The following SLC25A21 variants were observed in gnomAD, a reference collection of about 807,000 sequenced individuals.
The protein encoded by SLC25A21 is mitochondrial 2-oxodicarboxylate carrier.
In SLC25A21, 47 loss-of-function variants were observed where a neutral mutation model predicts 43.8. The observed-to-expected ratio is 1.07, with a 90% CI of 0.85 to 1.37. The LOEUF (loss-of-function observed/expected upper bound fraction) is 1.37. Ranked by LOEUF, SLC25A21 falls within the 40% of genes most tolerant of loss-of-function variation. The probability of loss-of-function intolerance (pLI) is 0.00; values close to 1 mark genes in which losing one functional copy is unlikely to be tolerated. For missense variants in SLC25A21, 352 were observed against 350.2 expected (o/e 1.00, Z -0.04); for synonymous variants, 131 against 121.3 (o/e 1.08, Z -0.52).
At chr14:37,131,701 G>C (rs1044901887) in intron 1 of SLC25A21, among the ~76,000 whole-genome samples, 1 of 152,166 alleles carries the variant, frequency 6.6e-6, no homozygotes, top group Admixed American at 6.5e-5. Flanking sequence ...TTGAGACAGG[G>C]TCTCTCTCTG....
At chr14:37,146,621 T>C (rs1425863391) in intron 1 of SLC25A21, among the ~76,000 whole-genome samples, 2 of 152,214 alleles carry the variant, frequency 1.3e-5, no homozygotes, top group Non-Finnish European at 2.9e-5. Context: ...TAATATATAA[T>C]AAATGATGTC....
chr14:36,769,922 C>T (rs1176141523), intron 3 of SLC25A21, among the ~76,000 whole-genome samples: 1 of 152,162 alleles, frequency 6.6e-6, no homozygotes, highest in Non-Finnish European at 1.5e-5. Flanking sequence ...TATCATGGAT[C>T]CTTGTGTGAA....
At chr14:37,081,186 C>A (rs962210010) in intron 1 of SLC25A21, among the ~76,000 whole-genome samples, 6 of 152,152 alleles carry the variant, frequency 3.9e-5, no homozygotes, top group African/African-American at 1.4e-4. Flanking sequence ...GTGAGAAAAG[C>A]CGTAGGTTAA....
intron 1 of SLC25A21, among the ~76,000 whole-genome samples, chr14:36,949,355 T>C (rs1253166106): frequency 1.3e-5 from 2 of 152,210 alleles, no homozygotes; most frequent in Non-Finnish European, 2.9e-5. Context: ...TGAAAATTGT[T>C]TGTATGTATC....
intron 1 of SLC25A21, among the ~76,000 whole-genome samples, chr14:37,121,818 A>C (rs1320643843): frequency 2.0e-5 from 3 of 151,966 alleles, no homozygotes; most frequent in African/African-American, 7.3e-5. Flanking sequence ...CAAAGCAAAA[A>C]GTGTTGTTTC....
At chr14:36,793,254 C>T (rs1442737886) in intron 3 of SLC25A21, among the ~76,000 whole-genome samples, 1 of 152,040 alleles carries the variant, frequency 6.6e-6, no homozygotes, top group African/African-American at 2.4e-5. Context: ...TGAAATCTCC[C>T]AATCAGCTAT....
At chr14:36,698,551 A>G (rs548869343) in intron 7 of SLC25A21, among the ~76,000 whole-genome samples, 2 of 152,332 alleles carry the variant, frequency 1.3e-5, no homozygotes, top group African/African-American at 4.8e-5. Flanking sequence ...CAGGTACACC[A>G]ATCAAACGTA....
chr14:36,958,714 CACACAT>C (rs570374399), intron 1 of SLC25A21, among the ~76,000 whole-genome samples: 214 of 141,962 alleles, frequency 1.5e-3, no homozygotes, highest in African/African-American at 4.5e-3. Flanking sequence ...CACACACACA[CACACAT>C]GCAACAGAGC....
chr14:36,944,621 G>A (rs145535507), intron 1 of SLC25A21, among the ~76,000 whole-genome samples: 216 of 152,274 alleles, frequency 1.4e-3, no homozygotes, highest in African/African-American at 4.1e-3. Context: ...AAGTGACTAC[G>A]AATGTCCTAT....
chr14:36,714,954 C>CA (rs1279797123), intron 6 of SLC25A21, among the ~76,000 whole-genome samples: 1 of 152,154 alleles, frequency 6.6e-6, no homozygotes, highest in Non-Finnish European at 1.5e-5. Flanking sequence ...GTAATGTGGG[C>CA]AGCTGGTATA....
intron 2 of SLC25A21, among the ~76,000 whole-genome samples, chr14:36,836,153 G>A (rs1366492857): frequency 6.6e-6 from 1 of 152,204 alleles, no homozygotes; most frequent in African/African-American, 2.4e-5. Flanking sequence ...ATTCGGAAGT[G>A]TTAAGTATAA....
chr14:36,718,585 T>C (rs1884244833), intron 6 of SLC25A21, among the ~76,000 whole-genome samples: 1 of 152,202 alleles, frequency 6.6e-6, no homozygotes, highest in African/African-American at 2.4e-5. Context: ...GTTGACTCTA[T>C]GTAATATAAG....
In SLC25A21 at chr14:37,091,777, A is replaced by G. The variant is rs538870523; in HGVS notation, c.70+80504T>C. ...ATGAGCATCAACTGTGTCTACATTC[A>G]TACATATTTTCTCCTCTCTGATTTC... is the stretch of plus-strand genomic sequence containing the variant. On this transcript the variant is annotated intron_variant, in intron 1 of 9. Coordinates refer to ENST00000331299, the MANE Select transcript of SLC25A21 (RefSeq NM_030631.4). Among the ~76,000 whole-genome samples, 4 of 152,310 alleles carry G rather than the reference A, an allele frequency of 2.6e-5. No homozygotes were observed. The East Asian group carries it at 7.7e-4, about 29-fold the overall frequency.
intron 3 of SLC25A21, among the ~76,000 whole-genome samples, chr14:36,777,556 G>T (rs905253841): frequency 7.2e-5 from 11 of 152,122 alleles, no homozygotes; most frequent in Non-Finnish European, 1.2e-4. Flanking sequence ...AAAATGAGAA[G>T]ATACTCAAAG....
At chr14:37,035,749 A>G (rs1961313217) in intron 1 of SLC25A21, among the ~76,000 whole-genome samples, 1 of 152,240 alleles carries the variant, frequency 6.6e-6, no homozygotes, top group Admixed American at 6.5e-5. Flanking sequence ...AACAAATGGA[A>G]AAGCACACAC....
intron 1 of SLC25A21, among the ~76,000 whole-genome samples, chr14:37,048,423 C>T (rs975657717): frequency 6.6e-6 from 1 of 151,546 alleles, no homozygotes; most frequent in African/African-American, 2.4e-5. Context: ...AGCTATGAGA[C>T]TGGTGGAGGG....
At chr14:37,044,906 T>C (rs2138789222) in intron 1 of SLC25A21, among the ~76,000 whole-genome samples, 2 of 152,346 alleles carry the variant, frequency 1.3e-5, no homozygotes, top group South Asian at 4.1e-4. Context: ...TAGATCAATG[T>C]CTCCCCAACA....
At position 36,807,445 on chromosome 14, in the gene SLC25A21, G is replaced by A. The variant is rs1054036632; in HGVS notation, c.203+6473C>T. On this transcript the variant is annotated intron_variant, in intron 3 of 9. Transcript: ENST00000331299. ...GTTGGAAGTTTAGGAGGAGGATGAT[G>A]ATTGGTCAAATAATTAGATTCATGG... Among the ~76,000 whole-genome samples, 11 of 152,264 alleles carry A rather than the reference G, an allele frequency of 7.2e-5. No individual in the cohort carries two copies. In the South Asian group the frequency reaches 8.3e-4, roughly 11 times the overall value.
intron 1 of SLC25A21, among the ~76,000 whole-genome samples, chr14:36,947,075 T>C (rs1237286128): frequency 1.3e-5 from 2 of 152,194 alleles, no homozygotes; most frequent in Non-Finnish European, 2.9e-5. Context: ...CTTTACTCTT[T>C]GGCGGTTTCA....
Sources: allele counts gnomAD v4.1 joint callset (sites outside exome capture counted in the v4.1 genomes callset), GRCh38; gene constraint gnomAD v4.1.1; transcripts MANE v1.5; gene names NCBI Gene and HGNC (gene_info 2026-07-23, HGNC 2026-07-21).